Variants in OPHN1 observed in about 807,000 individuals in gnomAD.
The protein encoded by OPHN1 is oligophrenin 1.
Under a neutral mutation model 60.7 loss-of-function variants are expected in OPHN1, and 11 were observed. That is an observed-to-expected ratio of 0.18 (90% CI 0.11 to 0.30). The LOEUF (loss-of-function observed/expected upper bound fraction) is 0.30, where lower values mean the gene tolerates loss of function less well. OPHN1 is among the 10% of genes least tolerant of loss of function. The pLI, the probability that OPHN1 is intolerant of heterozygous loss-of-function variation, is 1.00. For synonymous variants in OPHN1, 226 were observed against 222.6 expected (o/e 1.02, Z -0.14); for missense variants, 449 against 611.0 (o/e 0.73, Z 2.80).
intron 2 of OPHN1, among the ~76,000 whole-genome samples, chrX:68,384,854 G>A (rs772059980): frequency 7.2e-5 from 8 of 111,541 alleles, no homozygotes; most frequent in South Asian, 3.8e-4. Flanking sequence ...TGCGAACTAA[G>A]CTACGAGGAT....
At chrX:68,372,343 T>C (rs1027716157) in intron 2 of OPHN1, among the ~76,000 whole-genome samples, 1 of 111,434 alleles carries the variant, frequency 9.0e-6, no homozygotes, top group East Asian at 2.9e-4. Flanking sequence ...CAGTGGGTTA[T>C]ATTGCATTAT....
chrX:68,246,183 ACCAT>A (rs1291349892), intron 5 of OPHN1, among the ~76,000 whole-genome samples: 5 of 111,438 alleles, frequency 4.5e-5, no homozygotes, highest in Non-Finnish European at 9.4e-5. Context: ...CTGCTAAAAA[ACCAT>A]CCTGAGGTAC....
chrX:68,374,107 T>C (rs763154008), intron 2 of OPHN1, among the ~76,000 whole-genome samples: 9 of 111,012 alleles, frequency 8.1e-5, no homozygotes, highest in East Asian at 5.7e-4. Flanking sequence ...CCTGTAATCC[T>C]AGCACTTTGG....
At chrX:68,173,972 CT>C (rs1345342590) in intron 15 of OPHN1, among the ~76,000 whole-genome samples, 1 of 111,912 alleles carries the variant, frequency 8.9e-6, no homozygotes, top group Non-Finnish European at 1.9e-5. Flanking sequence ...CAAAAAAGGA[CT>C]TTTGGGGTAC....
At chrX:68,190,041 G>A (rs919107989) in intron 15 of OPHN1, among the ~76,000 whole-genome samples, 4 of 111,007 alleles carry the variant, frequency 3.6e-5, no homozygotes, top group African/African-American at 1.3e-4. Context: ...TCACCCTCCA[G>A]GATAAATCAT....
intron 5 of OPHN1, among the ~76,000 whole-genome samples, chrX:68,265,976 G>GA (rs1028185344): frequency 2.7e-5 from 3 of 111,397 alleles, no homozygotes; most frequent in Non-Finnish European, 5.6e-5. Context: ...GAGGTTTAGA[G>GA]AAAAAAGAAT....
chrX:68,315,879 A>C (rs768430307), intron 2 of OPHN1, among the ~76,000 whole-genome samples: 2 of 111,866 alleles, frequency 1.8e-5, no homozygotes, highest in Non-Finnish European at 3.8e-5. Context: ...GTACAATGAA[A>C]ACTACAAAGC....
chrX:68,160,753 G>C, intron 15 of OPHN1, among the ~76,000 whole-genome samples: 1 of 111,004 alleles, frequency 9.0e-6, no homozygotes, highest in African/African-American at 3.3e-5. Context: ...CAATACTTCT[G>C]TGATACAGGT....
chrX:68,418,039 T>A (rs2078807501), intron 2 of OPHN1, among the ~76,000 whole-genome samples: 1 of 112,447 alleles, frequency 8.9e-6, no homozygotes, highest in South Asian at 3.7e-4. Flanking sequence ...TGAAAACACA[T>A]GCCAATTATG....
intron 2 of OPHN1, among the ~76,000 whole-genome samples, chrX:68,416,065 T>TAGAG (rs1331857521): frequency 5.8e-4 from 3 of 5,200 alleles, no homozygotes; most frequent in Non-Finnish European, 1.2e-3. Context: ...TATATATATA[T>TAGAG]ATAGAGAGAG....
intron 15 of OPHN1, among the ~76,000 whole-genome samples, chrX:68,184,629 T>G (rs764397928): frequency 9.0e-6 from 1 of 111,196 alleles, no homozygotes; most frequent in Non-Finnish European, 1.9e-5. Flanking sequence ...AGAGTCTTAC[T>G]GTTGTTGCCC....
At chrX:68,397,816 C>A (rs754380529) in intron 2 of OPHN1, among the ~76,000 whole-genome samples, 1 of 111,315 alleles carries the variant, frequency 9.0e-6, no homozygotes, top group Non-Finnish European at 1.9e-5. Flanking sequence ...AGCCACTGTG[C>A]CTGGCCACAG....
At chrX:68,384,942 C>CAT (rs2078616995) in intron 2 of OPHN1, among the ~76,000 whole-genome samples, 1 of 110,875 alleles carries the variant, frequency 9.0e-6, no homozygotes, top group Non-Finnish European at 1.9e-5. Flanking sequence ...TAAAAGACTA[C>CAT]ATACTGGGTG....
intron 2 of OPHN1, among the ~76,000 whole-genome samples, chrX:68,332,485 A>G (rs773836833): frequency 6.2e-5 from 7 of 112,249 alleles, no homozygotes; most frequent in Non-Finnish European, 1.1e-4. Flanking sequence ...TATCACCAAT[A>G]GTTAAGAACC....
At chrX:68,385,441 C>G (rs1251673248) in intron 2 of OPHN1, among the ~76,000 whole-genome samples, 1 of 112,127 alleles carries the variant, frequency 8.9e-6, no homozygotes, top group East Asian at 2.8e-4. Flanking sequence ...TAATTAAGAT[C>G]TCAGCAACTT....
At chrX:68,093,950 G>A (rs761905025) in intron 19 of OPHN1, among the ~76,000 whole-genome samples, 11 of 109,574 alleles carry the variant, frequency 1.0e-4, no homozygotes, top group African/African-American at 3.6e-4. Flanking sequence ...TTTCTTTAAT[G>A]GATTATGCTT....
At chrX:68,322,770 G>C (rs755767358) in intron 2 of OPHN1, among the ~76,000 whole-genome samples, 1 of 111,722 alleles carries the variant, frequency 9.0e-6, no homozygotes, top group African/African-American at 3.3e-5. Context: ...CTGGTTGAAA[G>C]AGTGAGACCC....
intron 5 of OPHN1, among the ~76,000 whole-genome samples, chrX:68,250,626 G>T (rs968373181): frequency 7.2e-5 from 8 of 111,479 alleles, no homozygotes; most frequent in Non-Finnish European, 1.5e-4. Context: ...GGTTTTTGTT[G>T]CTGTTGTTCC....
intron 15 of OPHN1, among the ~76,000 whole-genome samples, chrX:68,186,258 A>G: frequency 9.0e-6 from 1 of 111,318 alleles, no homozygotes; most frequent in Middle Eastern, 4.6e-3. Context: ...ACTCAAGATT[A>G]CTATGTTGAA....
Sources: allele counts gnomAD v4.1 joint callset (sites outside exome capture counted in the v4.1 genomes callset), GRCh38; gene constraint gnomAD v4.1.1; transcripts MANE v1.5; gene names NCBI Gene and HGNC (gene_info 2026-07-23, HGNC 2026-07-21).